MACROD2: variants seen among roughly 807,000 people sequenced by gnomAD.
MACROD2 encodes ADP-ribose glycohydrolase MACROD2.
In MACROD2, 36 loss-of-function variants were observed where a neutral mutation model predicts 70.4. The observed-to-expected ratio is 0.51, with a 90% CI of 0.39 to 0.68. The LOEUF (loss-of-function observed/expected upper bound fraction) is 0.68. Ranked by LOEUF, MACROD2 falls within the 30% of genes least tolerant of loss-of-function variation. MACROD2 has a pLI of 0.00. For missense variants in MACROD2, 496 were observed against 538.4 expected (o/e 0.92, Z 0.78); for synonymous variants, 172 against 178.8 (o/e 0.96, Z 0.30).
At chr20:15,787,654 T>C (rs924547704) in intron 8 of MACROD2, among the ~76,000 whole-genome samples, 7 of 152,218 alleles carry the variant, frequency 4.6e-5, no homozygotes, top group African/African-American at 1.4e-4. Context: ...TTTTTATGGT[T>C]GGGCAGTGAA....
At chr20:14,223,261 T>C (rs2081697917) in intron 3 of MACROD2, 1 of 152,240 alleles carries the variant, frequency 6.6e-6, no homozygotes, top group African/African-American at 2.4e-5. Flanking sequence ...ACTCCCATGC[T>C]GATCTGTATA....
chr20:14,709,877 A>T (rs916719732), intron 5 of MACROD2, among the ~76,000 whole-genome samples: 1 of 152,218 alleles, frequency 6.6e-6, no homozygotes, highest in African/African-American at 2.4e-5. Flanking sequence ...TTGAAGTTGG[A>T]TAAATGTAGC....
At chr20:15,184,389 T>G (rs571329992) in intron 5 of MACROD2, among the ~76,000 whole-genome samples, 1 of 152,308 alleles carries the variant, frequency 6.6e-6, no homozygotes, top group African/African-American at 2.4e-5. Context: ...TACCCACATG[T>G]GTCAGTCAGA....
intron 12 of MACROD2, among the ~76,000 whole-genome samples, chr20:15,938,760 G>A (rs1396050879): frequency 1.3e-5 from 2 of 152,134 alleles, no homozygotes; most frequent in Admixed American, 6.5e-5. Flanking sequence ...AGGAAGGTAG[G>A]TATGTTGAAA....
intron 3 of MACROD2, among the ~76,000 whole-genome samples, chr20:14,296,190 G>A (rs1015829015): frequency 1.3e-5 from 2 of 151,800 alleles, no homozygotes; most frequent in Non-Finnish European, 2.9e-5. Context: ...ATATTTATAA[G>A]CTTGCTATAA....
chr20:15,112,653 A>T (rs1284893179), intron 5 of MACROD2, among the ~76,000 whole-genome samples: 1 of 152,126 alleles, frequency 6.6e-6, no homozygotes, highest in Non-Finnish European at 1.5e-5. Flanking sequence ...TATAACAAAA[A>T]TTTCCCATTT....
chr20:15,053,974 C>A (rs1357210470), intron 5 of MACROD2, among the ~76,000 whole-genome samples: 2 of 152,158 alleles, frequency 1.3e-5, no homozygotes, highest in Non-Finnish European at 2.9e-5. Context: ...GAGAAAGTAA[C>A]TGCAAATGTG....
intron 8 of MACROD2, among the ~76,000 whole-genome samples, chr20:15,628,497 C>T (rs1271100056): frequency 6.6e-6 from 1 of 152,192 alleles, no homozygotes; most frequent in Non-Finnish European, 1.5e-5. Context: ...AGTTTCAACC[C>T]TGGTGGATTG....
intron 3 of MACROD2, among the ~76,000 whole-genome samples, chr20:14,204,879 T>TATATGATATATATCA (rs2081510266): frequency 1.3e-5 from 2 of 152,200 alleles, no homozygotes; most frequent in African/African-American, 4.8e-5. Context: ...TATTATCATT[T>TATATGATATATATCA]TTTAAAGAAC....
At chr20:14,604,164 G>A (rs1012052136) in intron 4 of MACROD2, among the ~76,000 whole-genome samples, 8 of 152,156 alleles carry the variant, frequency 5.3e-5, no homozygotes, top group Admixed American at 2.6e-4. Flanking sequence ...AGGAAGTTTA[G>A]TTTCTCTTTC....
At chr20:15,998,185 G>A (rs1296569863) in intron 15 of MACROD2, among the ~76,000 whole-genome samples, 1 of 152,118 alleles carries the variant, frequency 6.6e-6, no homozygotes, top group Non-Finnish European at 1.5e-5. Flanking sequence ...GGTAATGCTG[G>A]CCTCATAAAA....
chr20:15,021,110 A>ATACACGTGTATGTATACACATACGTG (rs2075168127), intron 5 of MACROD2, among the ~76,000 whole-genome samples: 2 of 93,098 alleles, frequency 2.1e-5, no homozygotes, highest in Non-Finnish European at 4.6e-5. Flanking sequence ...ATACACGTGT[A>ATACACGTGTATGTATACACATACGTG]TGTGTATACA....
At chr20:14,100,845 AAT>A (rs985043735) in intron 3 of MACROD2, among the ~76,000 whole-genome samples, 12 of 141,548 alleles carry the variant, frequency 8.5e-5, no homozygotes, top group African/African-American at 2.6e-4. Flanking sequence ...AATATAATAT[AAT>A]ATATATCATA....
At chr20:15,691,435 A>G (rs1218992792) in intron 8 of MACROD2, among the ~76,000 whole-genome samples, 1 of 152,240 alleles carries the variant, frequency 6.6e-6, no homozygotes, top group Non-Finnish European at 1.5e-5. Flanking sequence ...ATTGGGCTAC[A>G]TCTATGTAGA....
At position 15,067,118 on chromosome 20, in the gene MACROD2, G is replaced by C. The variant is rs142419739; in HGVS notation, c.419-162822G>C. On this transcript the variant is annotated intron_variant, in intron 5 of 17. Transcript: ENST00000684519. Reference sequence around the variant, plus strand: ...GTCAGAAACAAATTCCGATAATGTAGAGAAAGTTCATTAGCAATTTTATTA... The same window carrying C: ...GTCAGAAACAAATTCCGATAATGTACAGAAAGTTCATTAGCAATTTTATTA... 5.0e-4 allele frequency among the ~76,000 whole-genome samples: 76 copies of C among 152,146 alleles called. 1 individual carries two copies. The highest frequency in any genetic ancestry group is 2.2e-3 in the Admixed American group (34 of 15,288).
chr20:15,425,896 G>A (rs558578349), intron 6 of MACROD2, among the ~76,000 whole-genome samples: 2 of 152,184 alleles, frequency 1.3e-5, no homozygotes, highest in Non-Finnish European at 2.9e-5. Flanking sequence ...GATGGCTTAG[G>A]GTTTATTGTG....
At chr20:14,954,727 A>AATATATAC (rs1600867940) in intron 5 of MACROD2, among the ~76,000 whole-genome samples, 2 of 37,142 alleles carry the variant, frequency 5.4e-5, no homozygotes, top group Non-Finnish European at 1.4e-4. Flanking sequence ...TAAATGTATA[A>AATATATAC]ATATATAAAT....
At chr20:14,196,595 CA>C (rs1319452103) in intron 3 of MACROD2, among the ~76,000 whole-genome samples, 1 of 152,178 alleles carries the variant, frequency 6.6e-6, no homozygotes, top group Non-Finnish European at 1.5e-5. Context: ...AAACCCAATT[CA>C]AAATAGCCTA....
intron 5 of MACROD2, among the ~76,000 whole-genome samples, chr20:14,728,854 G>A (rs1455657909): frequency 1.3e-5 from 2 of 152,084 alleles, no homozygotes; most frequent in African/African-American, 2.4e-5. Context: ...CATAAATAAA[G>A]TTAACTGTAT....
Sources: gnomAD v4.1 joint callset for allele counts (sites outside exome capture counted in the v4.1 genomes callset) on GRCh38, gnomAD v4.1.1 for gene constraint, MANE v1.5 for transcripts, NCBI Gene and HGNC (gene_info 2026-07-23, HGNC 2026-07-21) for gene names.